Variants in EBF4 observed in about 807,000 individuals in gnomAD.
EBF4 encodes EBF transcription factor 4.
A neutral mutation model predicts 67.1 loss-of-function variants in EBF4; 34 were observed. The observed-to-expected ratio is 0.51, with a 90% confidence interval of 0.39 to 0.67. The LOEUF is 0.67. Among genes scored for constraint, EBF4 ranks in the 30% least tolerant of loss-of-function variants. EBF4 has a pLI of 0.00. For missense variants in EBF4, 837 were observed against 873.3 expected, an observed-to-expected ratio of 0.96 and a Z score of 0.52; for synonymous variants, 387 against 377.7, an observed-to-expected ratio of 1.02 and a Z score of -0.29.
chr20:2,750,560 C>T (rs574445504), intron 10 of EBF4, among the ~76,000 whole-genome samples: 8 of 152,284 alleles, frequency 5.3e-5, no homozygotes, highest in Admixed American at 3.9e-4. Context: ...CCTCCCGCCC[C>T]GCCCCAGCTG....
In EBF4 at chr20:2,732,878, A is replaced by G. The variant is rs575389675; in HGVS notation, c.558-15671A>G. On this transcript the variant is annotated intron_variant, in intron 6 of 16. Coordinates refer to ENST00000609451, the Ensembl canonical transcript of EBF4. ...TCCCATATATCCCCTATCCCCACAA[A>G]TGTGCAGTTGTCTTTTAAATTAGAT... Among the ~76,000 whole-genome samples the G allele has an allele frequency of 1.9e-4, 29 of 152,200 alleles. No homozygotes were observed. The South Asian group carries it at 6.0e-3, about 32-fold the overall frequency.
intron 1 of EBF4, among the ~76,000 whole-genome samples, chr20:2,701,145 C>G (rs1231592938): frequency 6.6e-6 from 1 of 152,252 alleles, no homozygotes; most frequent in Non-Finnish European, 1.5e-5. Context: ...CTAACCAGTG[C>G]TGCTCCATGG....
rs188421286 is a variant in EBF4, at chr20:2,755,772, C to T, written c.1686C>T (p.Pro562=). 3.9e-4 allele frequency: 609 copies of T among 1,550,300 alleles called. 1 individual carries two copies. In the African/African-American group the frequency reaches 6.8e-3, roughly 17 times the overall value. Residue 562 remains proline, a synonymous_variant, in exon 15 of 17, where the codon CCC becomes CCT. Coordinates refer to ENST00000609451, the Ensembl canonical transcript of EBF4. This position sits in a 1 kb window ranked among gnomAD's most constrained non-coding sequence, Gnocchi z 4.7. ...GCGCCTTCGCCCCCGTGCTGCGCCC[C>T]CCAAGCTCCCCACCCCAGGCCTGCC...
intron 6 of EBF4, among the ~76,000 whole-genome samples, chr20:2,711,176 AATAAAATT>A (rs1342207269): frequency 1.3e-5 from 2 of 150,406 alleles, no homozygotes; most frequent in African/African-American, 2.4e-5. Context: ...TAATAATAAT[AATAAAATT>A]AAATTAAAAT....
chr20:2,735,124 A>G (rs978962093), intron 6 of EBF4, among the ~76,000 whole-genome samples: 7 of 152,208 alleles, frequency 4.6e-5, no homozygotes, highest in African/African-American at 1.7e-4. Context: ...GGCTGTTTTC[A>G]ACAAACACCC....
rs560805109 is a variant in EBF4 at position 2,729,544 on chromosome 20, C to T, written c.558-19005C>T. On this transcript the variant is annotated intron_variant, in intron 6 of 16. Transcript: ENST00000609451. The stretch of plus-strand genomic sequence containing the variant: ...CTACTAGGCCGAAGTGAGACAGACA[C>T]ACCCCACACTTCCTCCCCATTGAGA... Among the ~76,000 whole-genome samples, 3 of 152,272 alleles carry T rather than the reference C, an allele frequency of 2.0e-5. No homozygotes were observed. The South Asian group carries it at 6.2e-4, about 32-fold the overall frequency.
chr20:2,704,575 A>G (rs191058217), intron 1 of EBF4, among the ~76,000 whole-genome samples: 177 of 152,210 alleles, frequency 1.2e-3, no homozygotes, highest in Non-Finnish European at 2.4e-3. Flanking sequence ...TTTCTTGTTC[A>G]TCTGTTGAGC....
chr20:2,750,240 T>C (rs928107916), intron 10 of EBF4, among the ~76,000 whole-genome samples: 3 of 152,078 alleles, frequency 2.0e-5, no homozygotes, highest in Non-Finnish European at 4.4e-5. Context: ...ACCAACATTC[T>C]TACTCCCTCA....
chr20:2,723,768 A>ACC (rs2087714947), intron 6 of EBF4, among the ~76,000 whole-genome samples: 2 of 139,454 alleles, frequency 1.4e-5, no homozygotes, highest in Admixed American at 6.9e-5. Flanking sequence ...ATTGGTGTAT[A>ACC]GGTGACAAAT....
In EBF4 at chr20:2,751,996, C is replaced by T. The variant is rs1242693233; in HGVS notation, c.1173+9C>T. ...TGCCCGGCAGTAACCAGGTATGGCG[C>T]CTCCGCCCTCCCAGCGCCGCCGGGA... On this transcript the variant is annotated intron_variant, in intron 12 of 16. Transcript: ENST00000609451. The surrounding 1 kb of genome is among the most constrained non-coding windows in gnomAD (Gnocchi z 5.2). 6.5e-7 allele frequency: 1 copy of T among 1,540,952 alleles called. No homozygotes were observed. Among genetic ancestry groups the T allele is most frequent in the Non-Finnish European group, 8.7e-7 (1 of 1,143,424 alleles).
At chr20:2,724,014 C>T (rs2087718261) in intron 6 of EBF4, among the ~76,000 whole-genome samples, 2 of 152,206 alleles carry the variant, frequency 1.3e-5, no homozygotes, top group Non-Finnish European at 2.9e-5. Context: ...AAATTTACTA[C>T]ATATTCTTAA....
At chr20:2,752,509 T>C in exon 14 of EBF4, 2 of 1,254,612 alleles carry the variant, frequency 1.6e-6, no homozygotes, top group Non-Finnish European at 1.0e-6. Context: ...GTCCCCCAGC[T>C]TCCTCAATGG....
intron 6 of EBF4, among the ~76,000 whole-genome samples, chr20:2,721,246 CTTT>C (rs146844927): frequency 2.1e-4 from 23 of 108,086 alleles, no homozygotes; most frequent in African/African-American, 4.8e-4. Flanking sequence ...TGATTCTCTT[CTTT>C]TTTTTTTTTT....
intron 6 of EBF4, among the ~76,000 whole-genome samples, chr20:2,737,124 C>T (rs182633728): frequency 1.9e-3 from 284 of 151,992 alleles, no homozygotes; most frequent in East Asian, 0.018. Context: ...GTGGCGGGCG[C>T]CTGTAGTCCC....
intron 1 of EBF4, among the ~76,000 whole-genome samples, chr20:2,694,049 G>T (rs1173903064): frequency 6.6e-6 from 1 of 152,220 alleles, no homozygotes; most frequent in Non-Finnish European, 1.5e-5. Flanking sequence ...CGCCACCCCA[G>T]CCGGGCTGTC....
At position 2,693,732 on chromosome 20, in the gene EBF4, C is replaced by G. The variant is rs1305267846; in HGVS notation, c.87C>G (p.Arg29=). 6.6e-6 allele frequency: 9 copies of G among 1,371,470 alleles called. No homozygotes were observed. The Admixed American group carries it at 1.1e-4, about 17-fold the overall frequency. 85.0% of individuals were successfully genotyped at this position (1,371,470 alleles called of 1,614,324 possible). Residue 29 remains arginine (R), a synonymous_variant, in exon 1 of 17, where the codon CGC becomes CGG. Coordinates refer to ENST00000609451, the Ensembl canonical transcript of EBF4. The surrounding 1 kb of genome is among the most constrained non-coding windows in gnomAD (Gnocchi z 4.6). ...TGCCCGCCGGCCTGGGCTCAGTGCGCTCCTGGATGCAGGGCGCGGGCATCC... is the reference window on the plus strand; with the variant it reads ...TGCCCGCCGGCCTGGGCTCAGTGCGGTCCTGGATGCAGGGCGCGGGCATCC...
At chr20:2,743,993 T>C (rs1337944208) in intron 6 of EBF4, among the ~76,000 whole-genome samples, 2 of 152,266 alleles carry the variant, frequency 1.3e-5, no homozygotes, top group East Asian at 3.9e-4. Flanking sequence ...ACTTCTCTTC[T>C]CCCTGCCCCC....
At position 2,703,629 on chromosome 20, in the gene EBF4, C is replaced by T. The variant is rs562989874; in HGVS notation, c.138-1948C>T. Among the ~76,000 whole-genome samples, 16 of 151,998 alleles carry T rather than the reference C, an allele frequency of 1.1e-4. No individual in the cohort carries two copies. In the South Asian group the frequency reaches 3.1e-3, roughly 30 times the overall value. The stretch of plus-strand genomic sequence containing the variant: ...CAGTGAGCTGTGATTGCAGCCTGCA[C>T]TCCAGCCTGCGTGACAGAGTGAGAT... On this transcript the variant is annotated intron_variant, in intron 1 of 16. Transcript: ENST00000609451.
intron 6 of EBF4, among the ~76,000 whole-genome samples, chr20:2,740,275 T>C (rs2875804): frequency 0.48 from 73,358 of 151,986 alleles, 18,436 homozygotes; most frequent in East Asian, 0.61. Context: ...ATCACGCCAC[T>C]GCACTCCAGC....
Sources: allele counts gnomAD v4.1 joint callset (sites outside exome capture counted in the v4.1 genomes callset), GRCh38; gene constraint gnomAD v4.1.1; non-coding constraint Gnocchi (gnomAD v3.1); transcripts MANE v1.5; gene names NCBI Gene and HGNC (gene_info 2026-07-23, HGNC 2026-07-21).